SLC41A1: variants seen among roughly 807,000 people sequenced by gnomAD.
SLC41A1 encodes the protein solute carrier family 41 member 1, also known as solute carrier family 41 (magnesium transporter), member 1.
SLC41A1 carries 20 observed loss-of-function variants against 47.3 expected under a neutral mutation model. The ratio of observed to expected loss-of-function variants is 0.42; its 90% CI spans 0.30 to 0.61. The LOEUF is 0.61. SLC41A1 is among the 20% of genes least tolerant of loss of function. The pLI, the probability that SLC41A1 is intolerant of heterozygous loss-of-function variation, is 0.17. For synonymous variants in SLC41A1, 282 were observed against 272.7 expected (o/e 1.03, Z -0.34); for missense variants, 504 against 674.1 (o/e 0.75, Z 2.79).
rs768835428 is a variant in SLC41A1 at position 205,812,863 on chromosome 1, G to A, written c.-702C>T. ...CTGGCAAGTGGCAGCGTGGCCCGTGGTCTCGGGGGGTGCAGGGCACCCCCT... is the reference window on the plus strand; with the variant it reads ...CTGGCAAGTGGCAGCGTGGCCCGTGATCTCGGGGGGTGCAGGGCACCCCCT... On this transcript the variant is annotated 5_prime_UTR_variant, in exon 1 of 11. Coordinates refer to ENST00000367137, the MANE Select transcript of SLC41A1 (RefSeq NM_173854.6). 15 of 985,290 alleles carry A rather than the reference G, an allele frequency of 1.5e-5. No individual in the cohort carries two copies. Among genetic ancestry groups the A allele is most frequent in the African/African-American group, 1.7e-5 (1 of 57,208 alleles). 61.0% of individuals were successfully genotyped at this position (985,290 alleles called of 1,614,324 possible).
At chr1:205,800,414 T>C (rs1477601769) in intron 3 of SLC41A1, among the ~76,000 whole-genome samples, 1 of 152,172 alleles carries the variant, frequency 6.6e-6, no homozygotes, top group South Asian at 2.1e-4. Flanking sequence ...CCTGTATCTG[T>C]TCAGGCCCGG....
intron 2 of SLC41A1, chr1:205,801,284 G>T: frequency 2.0e-6 from 1 of 505,766 alleles, no homozygotes; most frequent in South Asian, 2.0e-5. Context: ...GATGGAGAGG[G>T]TTTCTGCCGG....
chr1:205,810,453 A>C lies in SLC41A1; in HGVS notation c.-12T>G. The C allele has an allele frequency of 6.2e-7, 1 of 1,614,180 alleles. No individual in the cohort carries two copies. The highest frequency in any genetic ancestry group is 8.5e-7 in the Non-Finnish European group (1 of 1,180,028). On this transcript the variant is annotated 5_prime_UTR_variant, in exon 2 of 11. Transcript: ENST00000367137. The surrounding 1 kb of genome is among the most constrained non-coding windows in gnomAD (Gnocchi z 5.5). The stretch of plus-strand genomic sequence containing the variant: ...GGCTTAGAGGACATGACAGGCACGG[A>C]GGAGGGGAAGGGAGAACTTTCCTCT...
At chr1:205,805,186 C>T (rs1655987857) in intron 2 of SLC41A1, among the ~76,000 whole-genome samples, 3 of 152,158 alleles carry the variant, frequency 2.0e-5, no homozygotes, top group Admixed American at 2.0e-4. Context: ...GAACCTCAAA[C>T]GACCTGACCC....
intron 3 of SLC41A1, 91 bp downstream of exon 3, chr1:205,800,862 T>C: frequency 8.1e-7 from 1 of 1,227,640 alleles, no homozygotes; most frequent in South Asian, 1.2e-5. Context: ...GCCTGGGCAG[T>C]GGAGAAGGGC....
intron 2 of SLC41A1, among the ~76,000 whole-genome samples, chr1:205,805,565 A>G (rs1196380158): frequency 5.3e-5 from 8 of 152,162 alleles, no homozygotes. Context: ...GAAAAAGGGC[A>G]TGTTCCAGGA....
In SLC41A1 at chr1:205,791,753, C is replaced by T; in HGVS notation, c.1357-35G>A. On this transcript the variant is annotated intron_variant, in intron 10 of 10. Coordinates refer to ENST00000367137, the MANE Select transcript of SLC41A1 (RefSeq NM_173854.6). The surrounding 1 kb of genome is among the most constrained non-coding windows in gnomAD (Gnocchi z 4.0). ...CAAAAGGGCCCAGCCTATAGCCATC[C>T]TCTCTCTCCAGGGGGAGCCAGAGGC... The T allele has an allele frequency of 1.2e-6, 2 of 1,609,550 alleles. No individual in the cohort carries two copies. The highest frequency in any genetic ancestry group is 1.1e-5 in the South Asian group (1 of 90,498).
At chr1:205,811,288 C>T (rs1656149203) in intron 1 of SLC41A1, among the ~76,000 whole-genome samples, 1 of 152,150 alleles carries the variant, frequency 6.6e-6, no homozygotes, top group Non-Finnish European at 1.5e-5. Context: ...TCCCCGCCAT[C>T]CTCCCCACCA....
intron 10 of SLC41A1, among the ~76,000 whole-genome samples, chr1:205,792,856 C>T (rs1571637364): frequency 6.6e-6 from 1 of 152,104 alleles, no homozygotes; most frequent in South Asian, 2.1e-4. Flanking sequence ...GATCCAGATG[C>T]GGGAACCACA....
intron 2 of SLC41A1, among the ~76,000 whole-genome samples, chr1:205,804,331 T>C (rs922379529): frequency 2.6e-5 from 4 of 152,120 alleles, no homozygotes; most frequent in Non-Finnish European, 5.9e-5. Context: ...GGCTGGAGCA[T>C]ACGCTTGCCT....
At chr1:205,800,829 C>T (rs1033044979) in intron 3 of SLC41A1, 124 bp downstream of exon 3, 2 of 900,700 alleles carry the variant, frequency 2.2e-6, no homozygotes, top group Admixed American at 2.0e-5. Context: ...GCCCTCCCTT[C>T]CCACCCCAGC....
At chr1:205,804,222 C>A (rs991341077) in intron 2 of SLC41A1, among the ~76,000 whole-genome samples, 10 of 152,124 alleles carry the variant, frequency 6.6e-5, no homozygotes, top group African/African-American at 1.9e-4. Flanking sequence ...CGCTGGGTGG[C>A]CCTATAAGGC....
rs1655813620 is a variant in SLC41A1 at position 205,799,106 on chromosome 1, G to A, written c.553-5C>T. The A allele has an allele frequency of 6.2e-7, 1 of 1,611,484 alleles. No homozygotes were observed. Among genetic ancestry groups the A allele is most frequent in the African/African-American group, 1.3e-5 (1 of 74,824 alleles). ...GCCCACCACCGTGGCCTGCACCTGG[G>A]GACAGGAGTGGTAACTCAGAAAGCC... is the stretch of plus-strand genomic sequence containing the variant. On this transcript the variant is annotated splice_region_variant and splice_polypyrimidine_tract_variant and intron_variant, in intron 4 of 10. Transcript: ENST00000367137.
rs139046521 is a variant in SLC41A1 at position 205,789,278 on chromosome 1, G to A, written c.*2255C>T. The A allele has an allele frequency of 2.4e-4, 37 of 152,210 alleles. No individual in the cohort carries two copies. The highest frequency in any genetic ancestry group is 8.4e-4 in the African/African-American group (35 of 41,512). 9.4% of individuals were successfully genotyped at this position (152,210 alleles called of 1,614,324 possible). Reference sequence around the variant, plus strand: ...AAAAGTACATGCAGTTGGTACAATCGGGGAAAAGAAATGAAACTTCCATGA... The same window carrying A: ...AAAAGTACATGCAGTTGGTACAATCAGGGAAAAGAAATGAAACTTCCATGA... On this transcript the variant is annotated 3_prime_UTR_variant, in exon 11 of 11. Coordinates refer to ENST00000367137, the MANE Select transcript of SLC41A1 (RefSeq NM_173854.6).
intron 4 of SLC41A1, 23 bp downstream of exon 4, chr1:205,799,736 C>G: frequency 6.2e-7 from 1 of 1,613,540 alleles, no homozygotes; most frequent in Non-Finnish European, 8.5e-7. Flanking sequence ...TTAGCCCACC[C>G]TCTCTGGTCC....
In SLC41A1 at chr1:205,810,411, G is replaced by A. The variant is rs533359583; in HGVS notation, c.31C>T (p.His11Tyr). The change falls in exon 2 of 11, where the codon CAC becomes TAC. Residue 11 changes from histidine to tyrosine, a missense_variant. His to Tyr is a moderately conservative substitution (Grantham distance 83, BLOSUM62 2). Transcript: ENST00000367137. The surrounding 1 kb of genome is among the most constrained non-coding windows in gnomAD (Gnocchi z 5.5). Reference sequence around the variant, plus strand: ...GAAGGGCCAGTCCCGTTCAGTTGGTGGACGTCCTTCGGCTCTGGCTTAGAG... The same window carrying A: ...GAAGGGCCAGTCCCGTTCAGTTGGTAGACGTCCTTCGGCTCTGGCTTAGAG... The part of the protein sequence containing the change: MSSKPEPKDV[H>Y]QLNGTGPSAS... 8 of 1,614,228 alleles carry A rather than the reference G, an allele frequency of 5.0e-6. No homozygotes were observed. The African/African-American group carries it at 6.7e-5, about 13-fold the overall frequency.
At chr1:205,805,326 G>A (rs1655990962) in intron 2 of SLC41A1, among the ~76,000 whole-genome samples, 1 of 152,188 alleles carries the variant, frequency 6.6e-6, no homozygotes, top group Admixed American at 6.5e-5. Context: ...GGCATGCATA[G>A]GACTCTGGAA....
At position 205,810,587 on chromosome 1, in the gene SLC41A1, C is replaced by T. The variant is rs377502266; in HGVS notation, c.-146G>A. ...TCTTCCCACGGCTCTCCACTCCTACCAGGCACTGCAAAAACTGATCCACCA... is the reference window on the plus strand; with the variant it reads ...TCTTCCCACGGCTCTCCACTCCTACTAGGCACTGCAAAAACTGATCCACCA... On this transcript the variant is annotated 5_prime_UTR_variant, in exon 2 of 11. Coordinates refer to ENST00000367137, the MANE Select transcript of SLC41A1 (RefSeq NM_173854.6). This position sits in a 1 kb window ranked among gnomAD's most constrained non-coding sequence, Gnocchi z 5.5. 1.6e-6 allele frequency: 2 copies of T among 1,234,354 alleles called. No homozygotes were observed. The highest frequency in any genetic ancestry group is 1.5e-5 in the African/African-American group (1 of 67,488). The allele number at this position is 1,234,354 out of a possible 1,614,324, so 76.5% of individuals were successfully genotyped here.
intron 2 of SLC41A1, among the ~76,000 whole-genome samples, chr1:205,807,791 G>A (rs1161215865): frequency 6.6e-6 from 1 of 151,032 alleles, no homozygotes; most frequent in African/African-American, 2.4e-5. Context: ...CAAAGTGCTG[G>A]AATTATACGA....
Sources: gnomAD v4.1 joint callset for allele counts (sites outside exome capture counted in the v4.1 genomes callset) on GRCh38, gnomAD v4.1.1 for gene constraint, Gnocchi (gnomAD v3.1) non-coding constraint, MANE v1.5 for transcripts, NCBI Gene and HGNC (gene_info 2026-07-23, HGNC 2026-07-21) for gene names.